The following GALNT13 variants were observed in gnomAD, a reference collection of about 807,000 sequenced individuals.
GALNT13 encodes the protein UDP-GalNAc:polypeptide N-acetylgalactosaminyltransferase 13.
In GALNT13, 28 loss-of-function variants were observed where a neutral mutation model predicts 64.2. The observed-to-expected ratio is 0.44, with a 90% CI of 0.32 to 0.60. The LOEUF is 0.60. GALNT13 is among the 20% of genes least tolerant of loss of function. GALNT13 has a pLI of 0.05. For synonymous variants in GALNT13, 214 were observed against 224.6 expected, an observed-to-expected ratio of 0.95 and a Z score of 0.42; for missense variants, 577 against 669.8, an observed-to-expected ratio of 0.86 and a Z score of 1.53.
At chr2:154,167,661 G>C (rs1317677674) in intron 4 of GALNT13, among the ~76,000 whole-genome samples, 1 of 152,190 alleles carries the variant, frequency 6.6e-6, no homozygotes, top group Admixed American at 6.5e-5. Flanking sequence ...AGTGTGAGTA[G>C]AGAGACACAA....
At chr2:153,870,277 G>A (rs1685839557), upstream of GALNT13, among the ~76,000 whole-genome samples, 1 of 152,112 alleles carries the variant, frequency 6.6e-6, no homozygotes, top group South Asian at 2.1e-4. Context: ...TTATGATTCT[G>A]CCTAAGTTAA....
At chr2:153,902,569 G>C (rs1457328021) in intron 2 of GALNT13, among the ~76,000 whole-genome samples, 1 of 152,040 alleles carries the variant, frequency 6.6e-6, no homozygotes, top group African/African-American at 2.4e-5. Context: ...TGGAAGACTT[G>C]TTGCAAAAAG....
the GALNT13 span, among the ~76,000 whole-genome samples, chr2:153,092,591 G>A: frequency 6.9e-6 from 1 of 144,404 alleles, no homozygotes; most frequent in African/African-American, 2.5e-5. Flanking sequence ...AATTTTATGT[G>A]TGACTATTGT....
chr2:153,492,420 A>G, the GALNT13 span, among the ~76,000 whole-genome samples: 1 of 152,236 alleles, frequency 6.6e-6, no homozygotes, highest in South Asian at 2.1e-4. Flanking sequence ...AAACCTATTG[A>G]AGAACATTAG....
At position 154,279,650 on chromosome 2, in the gene GALNT13, C is replaced by T. The variant is rs187432022; in HGVS notation, c.975+20512C>T. ...ATTATCTTTACTGGACTTTAAGCATCATATCTAAAGAAATAAACTTTGCAC... is the reference window on the plus strand; with the variant it reads ...ATTATCTTTACTGGACTTTAAGCATTATATCTAAAGAAATAAACTTTGCAC... On this transcript the variant is annotated intron_variant, in intron 8 of 12. Transcript: ENST00000392825. Among the ~76,000 whole-genome samples, 325 of 152,206 alleles carry T rather than the reference C, an allele frequency of 2.1e-3. 10 individuals are homozygous for T. The highest frequency in any genetic ancestry group is 0.018 in the Admixed American group (277 of 15,276).
At chr2:153,863,105 C>G in the GALNT13 span, among the ~76,000 whole-genome samples, 2 of 152,092 alleles carry the variant, frequency 1.3e-5, no homozygotes, top group African/African-American at 4.8e-5. Context: ...ATACCTTCTA[C>G]TTCTTCTCTG....
At chr2:154,106,515 A>G (rs577934191) in intron 3 of GALNT13, among the ~76,000 whole-genome samples, 6 of 152,064 alleles carry the variant, frequency 3.9e-5, no homozygotes, top group Non-Finnish European at 7.4e-5. Flanking sequence ...TTGGGGTTCT[A>G]TATTTCTTTC....
At chr2:153,921,622 TATAATA>T (rs1447604137) in intron 2 of GALNT13, among the ~76,000 whole-genome samples, 1 of 152,100 alleles carries the variant, frequency 6.6e-6, no homozygotes, top group Admixed American at 6.6e-5. Flanking sequence ...ACACAGAAGT[TATAATA>T]ATAATAAAAA....
chr2:153,916,878 T>C (rs976926461), intron 2 of GALNT13, among the ~76,000 whole-genome samples: 2 of 152,230 alleles, frequency 1.3e-5, no homozygotes, highest in Non-Finnish European at 2.9e-5. Context: ...GTATAATTTC[T>C]ATACTTTGAA....
intron 7 of GALNT13, among the ~76,000 whole-genome samples, chr2:154,253,918 G>A (rs1690224882): frequency 6.6e-6 from 1 of 152,036 alleles, no homozygotes. Flanking sequence ...TTATAGAAGT[G>A]GTGAAAAGTA....
the GALNT13 span, among the ~76,000 whole-genome samples, chr2:153,205,070 T>G: frequency 6.6e-6 from 1 of 152,176 alleles, no homozygotes; most frequent in African/African-American, 2.4e-5. Context: ...GAAGGGTCAT[T>G]CTGAAGGGAA....
chr2:153,583,587 C>T, the GALNT13 span, among the ~76,000 whole-genome samples: 8 of 152,110 alleles, frequency 5.3e-5, no homozygotes, highest in Non-Finnish European at 5.9e-5. Flanking sequence ...TTTCCCACTG[C>T]GGAATCATGC....
At chr2:153,318,517 A>AATC in the GALNT13 span, among the ~76,000 whole-genome samples, 1 of 152,190 alleles carries the variant, frequency 6.6e-6, no homozygotes, top group Non-Finnish European at 1.5e-5. Context: ...GGCATTTTCC[A>AATC]ATCATGAGGA....
chr2:153,309,984 A>G, the GALNT13 span, among the ~76,000 whole-genome samples: 2 of 152,144 alleles, frequency 1.3e-5, no homozygotes, highest in African/African-American at 4.8e-5. Context: ...AGTAAAAAAC[A>G]TGGTCTATAC....
chr2:153,289,255 T>G, the GALNT13 span, among the ~76,000 whole-genome samples: 1 of 152,232 alleles, frequency 6.6e-6, no homozygotes, highest in Non-Finnish European at 1.5e-5. Flanking sequence ...GGGATCTTTA[T>G]GATCTTATCC....
At chr2:153,618,653 T>C in the GALNT13 span, among the ~76,000 whole-genome samples, 1 of 151,944 alleles carries the variant, frequency 6.6e-6, no homozygotes, top group Non-Finnish European at 1.5e-5. Context: ...TTTTGGGGTC[T>C]CTCTCTTTAG....
At chr2:154,454,142 G>A (rs1406578068), downstream of GALNT13, among the ~76,000 whole-genome samples, 1 of 152,082 alleles carries the variant, frequency 6.6e-6, no homozygotes, top group African/African-American at 2.4e-5. Context: ...TCTTCTAAGT[G>A]CAGTCAATGG....
intron 2 of GALNT13, among the ~76,000 whole-genome samples, chr2:153,927,846 T>C (rs1343054322): frequency 6.6e-6 from 1 of 152,082 alleles, no homozygotes; most frequent in Non-Finnish European, 1.5e-5. Context: ...TTTTTTCCCC[T>C]GTGGAAGAAG....
At chr2:153,856,625 G>A in the GALNT13 span, among the ~76,000 whole-genome samples, 1 of 152,080 alleles carries the variant, frequency 6.6e-6, no homozygotes, top group Admixed American at 6.6e-5. Flanking sequence ...AAAATTTCTT[G>A]TCTAGGTGAA....
Sources: gnomAD v4.1 joint callset for allele counts (sites outside exome capture counted in the v4.1 genomes callset) on GRCh38, gnomAD v4.1.1 for gene constraint, MANE v1.5 for transcripts, NCBI Gene and HGNC (gene_info 2026-07-23, HGNC 2026-07-21) for gene names.